Variants in FAM20C observed in about 807,000 individuals in gnomAD.
FAM20C encodes FAM20C golgi associated secretory pathway kinase.
A neutral mutation model predicts 51.5 loss-of-function variants in FAM20C; 40 were observed. The observed-to-expected ratio is 0.78, with a 90% CI of 0.60 to 1.01. The LOEUF (loss-of-function observed/expected upper bound fraction) is 1.01. Ranked by LOEUF, FAM20C falls within the 50% of genes least tolerant of loss-of-function variation. The pLI is 0.00. For synonymous variants in FAM20C, 406 were observed against 380.6 expected, an observed-to-expected ratio of 1.07 and a Z score of -0.78; for missense variants, 861 against 844.7, an observed-to-expected ratio of 1.02 and a Z score of -0.24.
chr7:203,218 T>C (rs1786210510), intron 2 of FAM20C, among the ~76,000 whole-genome samples: 1 of 152,232 alleles, frequency 6.6e-6, no homozygotes, highest in Non-Finnish European at 1.5e-5. Flanking sequence ...GACTGACCCC[T>C]GTCCACTGGA....
rs1440720706 is a variant in FAM20C at position 193,211 on chromosome 7, G to A, written c.12G>A (p.Met4Ile). The part of the protein sequence containing the change: MKM[M>I]LVRRFRVLIL... The stretch of plus-strand genomic sequence containing the variant: ...CGGCCCGCGCGGCCATGAAGATGAT[G>A]CTGGTGCGCCGGTTCCGCGTGCTCA... Residue 4 changes from methionine to isoleucine, a missense_variant, in exon 1 of 10, where the codon ATG becomes ATA. Coordinates refer to ENST00000313766, the MANE Select transcript of FAM20C (RefSeq NM_020223.4). 9 of 1,458,754 alleles carry A rather than the reference G, an allele frequency of 6.2e-6. No individual in the cohort carries two copies. In the East Asian group the frequency reaches 2.6e-4, roughly 43 times the overall value. The allele number at this position is 1,458,754 out of a possible 1,614,324, so 90.4% of individuals were successfully genotyped here.
chr7:257,823 GC>G lies in FAM20C; in HGVS notation c.1445+738del, dbSNP rs1198594908. On this transcript the variant is annotated intron_variant, in intron 8 of 9. Coordinates refer to ENST00000313766, the MANE Select transcript of FAM20C (RefSeq NM_020223.4). ...GCTGGGTGGACCCACTGCCCGGGGT[GC>G]TGGAGATGGGCAGGGTGGACCCACT... Among the ~76,000 whole-genome samples, 4 of 126,338 alleles carry G rather than the reference GC, an allele frequency of 3.2e-5. 1 individual carries two copies. The highest frequency in any genetic ancestry group is 9.1e-5 in the African/African-American group (3 of 33,130). The allele number at this position is 126,338 out of a possible 152,430, so 82.9% of individuals were successfully genotyped here. A position where few individuals can be genotyped will look rare whatever the true frequency, so the allele number is the denominator to read the frequency against.
intron 3 of FAM20C, among the ~76,000 whole-genome samples, chr7:237,522 C>T (rs1002388156): frequency 5.3e-5 from 8 of 151,008 alleles, no homozygotes; most frequent in Admixed American, 1.3e-4. Context: ...ATGATGATAA[C>T]GATGGTAAAA....
intron 6 of FAM20C, 39 bp from the exon 7 acceptor site, chr7:256,615 T>A: frequency 1.3e-6 from 2 of 1,493,894 alleles, no homozygotes; most frequent in Non-Finnish European, 9.0e-7. Flanking sequence ...CTCCCCAGAA[T>A]CTGGCCTGGG....
At chr7:209,552 CTG>C (rs917999096) in intron 3 of FAM20C, among the ~76,000 whole-genome samples, 3 of 143,354 alleles carry the variant, frequency 2.1e-5, no homozygotes, top group African/African-American at 8.3e-5. Flanking sequence ...AAAATAGAAA[CTG>C]TGTCAGTCAC....
intron 3 of FAM20C, among the ~76,000 whole-genome samples, chr7:223,447 C>A (rs909595001): frequency 6.6e-6 from 1 of 152,236 alleles, no homozygotes; most frequent in African/African-American, 2.4e-5. Context: ...GTCTGTCTCG[C>A]TCTCCGGGGC....
intron 3 of FAM20C, among the ~76,000 whole-genome samples, chr7:232,411 A>T (rs28972768): frequency 6.6e-6 from 1 of 152,160 alleles, no homozygotes; most frequent in South Asian, 2.1e-4. Flanking sequence ...CAACCCTCAC[A>T]CCTGCACGCG....
In FAM20C at chr7:256,642, G is replaced by A. The variant is rs959919676; in HGVS notation, c.1254-12G>A. Reference sequence around the variant, plus strand: ...TGGCCTGGGCCCCCCGTCTCACGCTGGCTCCCCGCAGGTGGGAGGTGGACC... The same window carrying A: ...TGGCCTGGGCCCCCCGTCTCACGCTAGCTCCCCGCAGGTGGGAGGTGGACC... On this transcript the variant is annotated splice_polypyrimidine_tract_variant and intron_variant, in intron 6 of 9. Transcript: ENST00000313766. 1.6e-5 allele frequency: 25 copies of A among 1,533,796 alleles called. No individual in the cohort carries two copies. The African/African-American group carries it at 3.4e-4, about 21-fold the overall frequency.
chr7:229,963 A>C (rs908358459), intron 3 of FAM20C, among the ~76,000 whole-genome samples: 10 of 152,100 alleles, frequency 6.6e-5, no homozygotes, highest in African/African-American at 2.4e-4. Flanking sequence ...AAGGGAATCC[A>C]AGAGAAATGG....
At chr7:214,181 T>C (rs28445091) in intron 3 of FAM20C, among the ~76,000 whole-genome samples, 135,884 of 152,050 alleles carry the variant, frequency 0.89, 61,029 homozygotes, top group South Asian at 0.93. Context: ...CAAAATTAGC[T>C]GGGCGTGGTG....
chr7:231,270 G>GT (rs1449492513), intron 3 of FAM20C, among the ~76,000 whole-genome samples: 1 of 152,196 alleles, frequency 6.6e-6, no homozygotes, highest in Non-Finnish European at 1.5e-5. Context: ...GCAGCAGCAT[G>GT]TTCGGGGAGC....
rs1166633382 is a variant in FAM20C, at chr7:193,442, C to T, written c.243C>T (p.Gly81=). 4.8e-6 allele frequency: 7 copies of T among 1,445,096 alleles called. No homozygotes were observed. The highest frequency in any genetic ancestry group is 4.6e-6 in the Non-Finnish European group (5 of 1,090,022). 89.5% of individuals were successfully genotyped at this position (1,445,096 alleles called of 1,614,324 possible). A position where few individuals can be genotyped will look rare whatever the true frequency, so the allele number is the denominator to read the frequency against. ...CCTCCTCCGCCGCCGGCGACGCGGG[C>T]TGGCCCAACAAGCACACGCTCCGCA... is the stretch of plus-strand genomic sequence containing the variant. ...PAASSAAGDA[G]WPNKHTLRIL... Residue 81 remains glycine, a synonymous_variant, in exon 1 of 10, where the codon GGC becomes GGT. Transcript: ENST00000313766.
chr7:247,442 C>T (rs149826167), intron 4 of FAM20C, among the ~76,000 whole-genome samples: 21,892 of 152,154 alleles, frequency 0.14, 1,808 homozygotes, highest in Non-Finnish European at 0.19. Context: ...GCCCCAGGGC[C>T]GGCAGCATTG....
chr7:206,049 G>A (rs375815704), intron 2 of FAM20C, among the ~76,000 whole-genome samples: 129 of 152,078 alleles, frequency 8.5e-4, no homozygotes, highest in African/African-American at 2.6e-3. Flanking sequence ...CAGCACACGC[G>A]CGTGCCCTCC....
Position 255,993 on chromosome 7 carries a change from C to T in FAM20C, c.1217C>T (p.Pro406Leu), listed in dbSNP as rs1449071673. 1 of 1,536,080 alleles carries T rather than the reference C, an allele frequency of 6.5e-7. No homozygotes were observed. Among genetic ancestry groups the T allele is most frequent in the Non-Finnish European group, 8.7e-7 (1 of 1,146,790 alleles). Residue 406 changes from proline (P) to leucine (L), a missense_variant, in exon 6 of 10, where the codon CCT becomes CTT. By Grantham distance (98) the Pro-to-Leu change is moderately conservative. Around this residue, in one of 3 missense-constraint regions of FAM20C, gnomAD observed 269 missense variants for 283.8 expected, o/e 0.95. Transcript: ENST00000313766. ...SLAKRKTWRN[P>L]WRRSYHKRKK... is the part of the protein sequence containing the mutation. ...GCCAAGAGGAAGACCTGGCGGAACC[C>T]TTGGCGGCGTTCCTACCACAAGCGC...
At chr7:251,078 A>G (rs1788377052) in intron 5 of FAM20C, among the ~76,000 whole-genome samples, 1 of 151,980 alleles carries the variant, frequency 6.6e-6, no homozygotes, top group South Asian at 2.1e-4. Context: ...CATCTCCGGA[A>G]CTCCTCATTT....
chr7:254,064 G>C (rs1322565954), intron 5 of FAM20C, among the ~76,000 whole-genome samples: 1 of 152,158 alleles, frequency 6.6e-6, no homozygotes, highest in East Asian at 1.9e-4. Context: ...TGGGGTGAGG[G>C]GGCGCGGGAA....
intron 3 of FAM20C, among the ~76,000 whole-genome samples, chr7:210,230 G>GA (rs1786647151): frequency 6.6e-6 from 1 of 151,594 alleles, no homozygotes; most frequent in South Asian, 2.1e-4. Context: ...CCTGCGGGGG[G>GA]CCTGAGATCA....
chr7:259,536 C>G (rs1788793292), intron 9 of FAM20C, among the ~76,000 whole-genome samples, 195 bp from the exon 10 acceptor site: 1 of 152,204 alleles, frequency 6.6e-6, no homozygotes, highest in Admixed American at 6.5e-5. Context: ...GTCTGCCTTT[C>G]TCTCTCCCTC....
Sources: allele counts gnomAD v4.1 joint callset (sites outside exome capture counted in the v4.1 genomes callset), GRCh38; gene constraint gnomAD v4.1.1; regional missense constraint gnomAD v4.1.1; transcripts MANE v1.5; gene names NCBI Gene and HGNC (gene_info 2026-07-23, HGNC 2026-07-21).